Variants in CLDN14 observed in about 807,000 individuals in gnomAD.
CLDN14 encodes claudin-14.
Under a neutral mutation model 2.1 loss-of-function variants are expected in CLDN14, and 2 were observed. The observed-to-expected ratio is 0.96, with a 90% CI of 0.39 to 3.01. CLDN14 has a LOEUF of 3.01. Among genes scored for constraint, CLDN14 ranks in the 30% most tolerant of loss-of-function variants. The pLI, the probability that CLDN14 is intolerant of heterozygous loss-of-function variation, is 0.09. For missense variants in CLDN14, 298 were observed against 328.0 expected (o/e 0.91, Z 0.71); for synonymous variants, 136 against 154.4 (o/e 0.88, Z 0.88).
At chr21:36,494,590 G>A (rs370315825) in intron 2 of CLDN14, among the ~76,000 whole-genome samples, 10 of 152,310 alleles carry the variant, frequency 6.6e-5, no homozygotes, top group African/African-American at 2.2e-4. Flanking sequence ...ACAAAGAGGC[G>A]ATTCAGTTAA....
At chr21:36,552,212 A>G (rs968095643) in intron 1 of CLDN14, among the ~76,000 whole-genome samples, 1 of 152,240 alleles carries the variant, frequency 6.6e-6, no homozygotes, top group Non-Finnish European at 1.5e-5. Context: ...TAAAAAAGAT[A>G]TGGAGACCAG....
intron 1 of CLDN14, among the ~76,000 whole-genome samples, chr21:36,547,045 G>C (rs572022630): frequency 5.7e-4 from 87 of 152,288 alleles, no homozygotes; most frequent in African/African-American, 2.0e-3. Flanking sequence ...AGAACGATCA[G>C]CCTCAAATGG....
intron 1 of CLDN14, among the ~76,000 whole-genome samples, chr21:36,462,595 T>C (rs1282629921): frequency 6.6e-6 from 1 of 152,066 alleles, no homozygotes; most frequent in African/African-American, 2.4e-5. Context: ...GGATACTTTT[T>C]CGGGACAAGG....
At chr21:36,545,779 T>C (rs892466720) in intron 1 of CLDN14, among the ~76,000 whole-genome samples, 6 of 152,132 alleles carry the variant, frequency 3.9e-5, no homozygotes, top group Admixed American at 1.3e-4. Context: ...CAGTGTAGCT[T>C]TTCTTCCCCT....
At chr21:36,530,969 G>A (rs1568871367) in intron 1 of CLDN14, among the ~76,000 whole-genome samples, 1 of 152,144 alleles carries the variant, frequency 6.6e-6, no homozygotes, top group Non-Finnish European at 1.5e-5. Context: ...AGTGGCTCAC[G>A]CCTGTAATCC....
At chr21:36,553,102 G>A (rs2087574256) in intron 1 of CLDN14, among the ~76,000 whole-genome samples, 1 of 152,198 alleles carries the variant, frequency 6.6e-6, no homozygotes, top group East Asian at 1.9e-4. Flanking sequence ...AGCATTGGCT[G>A]GGCGTCACCA....
upstream of CLDN14, among the ~76,000 whole-genome samples, chr21:36,482,026 G>A (rs924838041): frequency 1.4e-4 from 22 of 152,190 alleles, no homozygotes; most frequent in African/African-American, 5.3e-4. Flanking sequence ...TCCCTGAGTG[G>A]GCAGGGAACT....
intron 1 of CLDN14, among the ~76,000 whole-genome samples, chr21:36,521,780 T>A (rs986155672): frequency 6.6e-6 from 1 of 152,126 alleles, no homozygotes; most frequent in Non-Finnish European, 1.5e-5. Flanking sequence ...TTGTGTCAGC[T>A]GATGGGGACG....
chr21:36,529,542 C>T (rs539998625), intron 1 of CLDN14, among the ~76,000 whole-genome samples: 1 of 152,268 alleles, frequency 6.6e-6, no homozygotes, highest in Non-Finnish European at 1.5e-5. Flanking sequence ...TCCCAAAGTG[C>T]TGGGATTACA....
At chr21:36,490,973 CACACACACACACA>C (rs1363375270) in intron 2 of CLDN14, among the ~76,000 whole-genome samples, 1 of 151,960 alleles carries the variant, frequency 6.6e-6, no homozygotes, top group East Asian at 1.9e-4. Flanking sequence ...CACACACACA[CACACACACACACA>C]CACCCCTGGA....
chr21:36,569,789 G>C (rs2087696065), intron 1 of CLDN14, among the ~76,000 whole-genome samples: 1 of 152,236 alleles, frequency 6.6e-6, no homozygotes, highest in Admixed American at 6.5e-5. Context: ...GAATCACTGA[G>C]TGTGGGTAGC....
intron 1 of CLDN14, 112 bp downstream of exon 1, chr21:36,479,383 C>T (rs1324703119): frequency 1.3e-5 from 2 of 152,234 alleles, no homozygotes; most frequent in Admixed American, 6.5e-5. Context: ...GGAGAACGCT[C>T]GGACCCCTGG....
In CLDN14 at chr21:36,489,843, C is replaced by A. The variant is rs528689051; in HGVS notation, c.-82+20520G>T. Among the ~76,000 whole-genome samples, 9 of 152,324 alleles carry A rather than the reference C, an allele frequency of 5.9e-5. No individual in the cohort carries two copies. In the South Asian group the frequency reaches 1.5e-3, roughly 25 times the overall value. ...TCCGGGCCTCACCTGGGCCTCCCAT[C>A]CAAGCCCCAAGTTCTTTCCTCCCCC... On this transcript the variant is annotated intron_variant, in intron 2 of 2. Coordinates refer to the CLDN14 transcript ENST00000342108.
At chr21:36,566,281 G>C (rs965365306) in intron 1 of CLDN14, among the ~76,000 whole-genome samples, 1 of 152,212 alleles carries the variant, frequency 6.6e-6, no homozygotes, top group African/African-American at 2.4e-5. Flanking sequence ...GAAAGATTAA[G>C]TGAATTAATA....
chr21:36,545,311 C>A (rs2087519437), intron 1 of CLDN14, among the ~76,000 whole-genome samples: 2 of 152,256 alleles, frequency 1.3e-5, no homozygotes, highest in Middle Eastern at 6.8e-3. Context: ...GGGTGAGGAG[C>A]CTTCAAAAGT....
intron 1 of CLDN14, among the ~76,000 whole-genome samples, chr21:36,471,092 G>T (rs1323041836): frequency 6.6e-6 from 1 of 152,208 alleles, no homozygotes; most frequent in Admixed American, 6.5e-5. Context: ...AAACAGGCCA[G>T]GTGCAGTGGC....
chr21:36,478,881 G>C (rs1216899731), intron 1 of CLDN14, among the ~76,000 whole-genome samples: 1 of 152,114 alleles, frequency 6.6e-6, no homozygotes, highest in Non-Finnish European at 1.5e-5. Flanking sequence ...TGGGGCCCCA[G>C]GTAACTGAAG....
At chr21:36,559,008 C>T (rs930166513) in intron 1 of CLDN14, among the ~76,000 whole-genome samples, 1 of 152,004 alleles carries the variant, frequency 6.6e-6, no homozygotes, top group African/African-American at 2.4e-5. Context: ...ACAAGGACTT[C>T]CTGTACTGTG....
intron 1 of CLDN14, among the ~76,000 whole-genome samples, chr21:36,537,452 T>C (rs1040339138): frequency 6.6e-6 from 1 of 152,186 alleles, no homozygotes; most frequent in African/African-American, 2.4e-5. Flanking sequence ...TGGATGCAAT[T>C]GGGAAAACGT....
Sources: gnomAD v4.1 joint callset for allele counts (sites outside exome capture counted in the v4.1 genomes callset) on GRCh38, gnomAD v4.1.1 for gene constraint, MANE v1.5 for transcripts, NCBI Gene and HGNC (gene_info 2026-07-23, HGNC 2026-07-21) for gene names.